IFT74: variants seen among roughly 807,000 people sequenced by gnomAD.
IFT74 encodes intraflagellar transport protein 74 homolog.
In IFT74, 92 loss-of-function variants were observed where a neutral mutation model predicts 96.7. The ratio of observed to expected loss-of-function variants is 0.95; its 90% CI spans 0.80 to 1.13. IFT74 has a LOEUF of 1.13. Ranked by LOEUF, IFT74 falls within the 50% of genes most tolerant of loss-of-function variation. IFT74 has a pLI of 0.00. For missense variants in IFT74, 811 were observed against 698.2 expected, an observed-to-expected ratio of 1.16 and a Z score of -1.82; for synonymous variants, 223 against 213.2, an observed-to-expected ratio of 1.05 and a Z score of -0.40.
chr9:26,984,388 T>G, intron 5 of IFT74, 33 bp downstream of exon 5: 1 of 1,579,628 alleles, frequency 6.3e-7, no homozygotes, highest in Non-Finnish European at 8.6e-7. Context: ...TCATTCAGTA[T>G]TTTGTGCTTA....
At chr9:27,007,058 C>T (rs1039270003) in intron 8 of IFT74, among the ~76,000 whole-genome samples, 2 of 151,906 alleles carry the variant, frequency 1.3e-5, no homozygotes, top group Non-Finnish European at 1.5e-5. Context: ...AGGATGGTCT[C>T]GATCTCCTGA....
At chr9:26,980,185 T>G (rs1827308076) in intron 3 of IFT74, among the ~76,000 whole-genome samples, 1 of 152,134 alleles carries the variant, frequency 6.6e-6, no homozygotes, top group East Asian at 1.9e-4. Flanking sequence ...CCAGCCAAAT[T>G]TTAAGTGCTT....
intron 12 of IFT74, among the ~76,000 whole-genome samples, chr9:27,023,078 TA>T (rs974319349): frequency 1.3e-5 from 2 of 152,216 alleles, no homozygotes; most frequent in African/African-American, 4.8e-5. Context: ...CAGGGTTTCC[TA>T]GTTATATGAT....
chr9:26,989,591 GTTAC>G (rs1244500552), intron 7 of IFT74, among the ~76,000 whole-genome samples: 2 of 152,080 alleles, frequency 1.3e-5, no homozygotes, highest in Admixed American at 1.3e-4. Flanking sequence ...TGATAATTTA[GTTAC>G]TTTTAGCTTT....
chr9:26,949,114 C>T (rs145325974), intron 1 of IFT74, among the ~76,000 whole-genome samples: 1 of 152,244 alleles, frequency 6.6e-6, no homozygotes, highest in Non-Finnish European at 1.5e-5. Flanking sequence ...TACCGGACTA[C>T]ATTTTATTAT....
At chr9:27,047,237 A>G in intron 14 of IFT74, 37 bp from the exon 15 acceptor site, 4 of 1,235,702 alleles carry the variant, frequency 3.2e-6, no homozygotes, top group Non-Finnish European at 4.7e-6. Flanking sequence ...TGTTAACTCT[A>G]TCAGCAGTAA....
chr9:27,060,814 T>G, intron 19 of IFT74, 163 bp downstream of exon 19: 1 of 402,448 alleles, frequency 2.5e-6, no homozygotes, highest in Non-Finnish European at 4.5e-6. Context: ...AAAAAAAACA[T>G]AGCCGGGCGT....
At chr9:26,982,430 CCACA>C (rs1827424551) in intron 4 of IFT74, 1 of 402,312 alleles carries the variant, frequency 2.5e-6, no homozygotes, top group Non-Finnish European at 4.8e-6. Flanking sequence ...GTGCCTGCCA[CCACA>C]CTTGGCTAAT....
Position 27,062,798 on chromosome 9 carries a change from G to T in IFT74, c.*62G>T, listed in dbSNP as rs937540963. The T allele has an allele frequency of 3.7e-5, 30 of 821,354 alleles. No individual in the cohort carries two copies. The African/African-American group carries it at 4.5e-4, about 12-fold the overall frequency. 50.9% of individuals were successfully genotyped at this position (821,354 alleles called of 1,614,324 possible). ...CTTGCTGCTAAACTTGGTACAAGTT[G>T]ACTACCAAAAAAAAAAAAAGCTTAC... On this transcript the variant is annotated 3_prime_UTR_variant, in exon 20 of 20. Transcript: ENST00000380062.
intron 1 of IFT74, among the ~76,000 whole-genome samples, chr9:26,961,437 C>G (rs905480083): frequency 7.2e-5 from 11 of 151,968 alleles, no homozygotes; most frequent in South Asian, 2.1e-4. Context: ...GAAAGTGACC[C>G]TGAGGAGCAA....
At position 27,011,916 on chromosome 9, in the gene IFT74, C is replaced by T. The variant is rs376362664; in HGVS notation, c.737C>T (p.Thr246Ile). Residue 246 changes from threonine to isoleucine, a missense_variant, in exon 10 of 20, where the codon ACA (threonine) becomes ATA (isoleucine). Physicochemically the swap from Thr to Ile is moderately conservative, Grantham distance 89. Transcript: ENST00000380062. ...TNEKLLQELD[T>I]LQQQLDSQNM... ...TTTTTTTCCACTTAGGAATTAGATA[C>T]ACTTCAACAACAATTGGATTCACAG... 4 of 1,562,702 alleles carry T rather than the reference C, an allele frequency of 2.6e-6. No individual in the cohort carries two copies. The highest frequency in any genetic ancestry group is 1.4e-5 in the African/African-American group (1 of 72,054).
At chr9:27,027,201 A>G (rs1829907339) in intron 12 of IFT74, among the ~76,000 whole-genome samples, 1 of 152,198 alleles carries the variant, frequency 6.6e-6, no homozygotes, top group African/African-American at 2.4e-5. Flanking sequence ...TACACGCACA[A>G]ACTAGAAAAC....
chr9:27,036,784 C>T, intron 13 of IFT74: 6 of 1,127,934 alleles, frequency 5.3e-6, no homozygotes, highest in Non-Finnish European at 6.5e-6. Flanking sequence ...AAATAAAATT[C>T]TTAGATCTTT....
intron 10 of IFT74, among the ~76,000 whole-genome samples, chr9:27,014,880 T>A (rs1017783570): frequency 6.6e-6 from 1 of 152,246 alleles, no homozygotes; most frequent in Non-Finnish European, 1.5e-5. Context: ...GTGCTGAGAT[T>A]ACAGGCGTGA....
intron 9 of IFT74, among the ~76,000 whole-genome samples, chr9:27,010,555 T>C (rs1829015611): frequency 6.6e-6 from 1 of 150,542 alleles, no homozygotes; most frequent in Non-Finnish European, 1.5e-5. Context: ...AGTGGCGCGA[T>C]CTCGGCTCAC....
intron 10 of IFT74, among the ~76,000 whole-genome samples, chr9:27,015,794 A>G (rs1829309191): frequency 1.3e-5 from 2 of 152,210 alleles, no homozygotes; most frequent in South Asian, 4.1e-4. Flanking sequence ...TAAAATAGAG[A>G]TGATAGTACT....
At chr9:26,993,190 G>A (rs1477094595) in intron 8 of IFT74, 1 of 151,966 alleles carries the variant, frequency 6.6e-6, no homozygotes, top group East Asian at 1.9e-4. Context: ...TTCAACAGAG[G>A]CCCTTGAATA....
chr9:26,978,339 A>C, intron 3 of IFT74, 76 bp downstream of exon 3: 1 of 1,470,046 alleles, frequency 6.8e-7, no homozygotes, highest in African/African-American at 1.4e-5. Context: ...AATTTAAAAA[A>C]GTAAAAGTTG....
intron 19 of IFT74, among the ~76,000 whole-genome samples, chr9:27,061,677 G>GTATATATATATA (rs10668267): frequency 0.018 from 2,530 of 142,974 alleles, 64 homozygotes; most frequent in Admixed American, 0.069. Flanking sequence ...ATATCCACAA[G>GTATATATATATA]TATATATATA....
Sources: gnomAD v4.1 joint callset for allele counts (sites outside exome capture counted in the v4.1 genomes callset) on GRCh38, gnomAD v4.1.1 for gene constraint, MANE v1.5 for transcripts, NCBI Gene and HGNC (gene_info 2026-07-23, HGNC 2026-07-21) for gene names.